DNAH14: variants seen among roughly 807,000 people sequenced by gnomAD.
DNAH14 encodes dynein axonemal heavy chain 14.
DNAH14 carries 478 observed loss-of-function variants against 520.9 expected under a neutral mutation model. That is an observed-to-expected ratio of 0.92 (90% CI 0.85 to 0.99). The LOEUF is 0.99. Ranked by LOEUF, DNAH14 falls within the 50% of genes least tolerant of loss-of-function variation. The pLI is 0.00. For synonymous variants in DNAH14, 1,581 were observed against 1,757.2 expected, an observed-to-expected ratio of 0.90 and a Z score of 2.51; for missense variants, 4,831 against 5,234.5, an observed-to-expected ratio of 0.92 and a Z score of 2.38.
At position 225,147,160 on chromosome 1, in the gene DNAH14, T is replaced by A; in HGVS notation, c.4851T>A (p.Asp1617Glu). 2.6e-6 allele frequency: 4 copies of A among 1,550,960 alleles called. No homozygotes were observed. Among genetic ancestry groups the A allele is most frequent in the Non-Finnish European group, 3.5e-6 (4 of 1,146,674 alleles). Residue 1617 changes from aspartate (D) to glutamate (E), a missense_variant, in exon 31 of 86, where the codon GAT becomes GAA. Physicochemically the swap from Asp to Glu is conservative, Grantham distance 45. Coordinates refer to ENST00000682510, the MANE Select transcript of DNAH14 (RefSeq NM_001367479.1). ...AGTCAGGAGCATGGAGTTGTTTTGA[T>A]GAATTCAATCTAATTGATTTGGAAG... ...LVQSGAWSCFDEFNLIDLEVL... is the reference protein window; with the variant it reads ...LVQSGAWSCFEEFNLIDLEVL...
At chr1:224,929,966 T>C in intron 1 of DNAH14, 131 bp downstream of exon 1, 1 of 488,808 alleles carries the variant, frequency 2.0e-6, no homozygotes, top group Non-Finnish European at 3.6e-6. Flanking sequence ...ACCCAGCTGC[T>C]GTGGGAGCGC....
chr1:225,349,187 G>C (rs2095329716), intron 71 of DNAH14, among the ~76,000 whole-genome samples: 1 of 152,202 alleles, frequency 6.6e-6, no homozygotes, highest in Non-Finnish European at 1.5e-5. Context: ...TGCCCAGGCT[G>C]GCAGTAGAAT....
At chr1:225,368,234 T>C (rs749297481) in intron 77 of DNAH14, among the ~76,000 whole-genome samples, 1 of 152,200 alleles carries the variant, frequency 6.6e-6, no homozygotes, top group Non-Finnish European at 1.5e-5. Context: ...CCACCACTTA[T>C]AGCTGTATAA....
At chr1:225,270,940 C>T in intron 50 of DNAH14, 74 bp downstream of exon 50, 1 of 1,392,460 alleles carries the variant, frequency 7.2e-7, no homozygotes, top group Non-Finnish European at 9.7e-7. Context: ...GAACTTAAAT[C>T]CACTAATATT....
intron 78 of DNAH14, among the ~76,000 whole-genome samples, chr1:225,375,300 G>A (rs1162222969): frequency 6.6e-6 from 1 of 152,124 alleles, no homozygotes; most frequent in African/African-American, 2.4e-5. Flanking sequence ...CTCTATCCAA[G>A]CCTTCACATT....
At chr1:225,047,532 C>T (rs569642157) in intron 15 of DNAH14, among the ~76,000 whole-genome samples, 1 of 152,060 alleles carries the variant, frequency 6.6e-6, no homozygotes, top group African/African-American at 2.4e-5. Flanking sequence ...CAGGGTATAC[C>T]ATATAGCCTA....
intron 1 of DNAH14, among the ~76,000 whole-genome samples, chr1:224,945,656 A>T (rs2059757840): frequency 1.3e-5 from 2 of 152,288 alleles, no homozygotes; most frequent in South Asian, 4.1e-4. Flanking sequence ...GGTGACGTAC[A>T]GATGGGGTTT....
chr1:225,087,738 A>G (rs1386927411), intron 21 of DNAH14, among the ~76,000 whole-genome samples: 1 of 152,200 alleles, frequency 6.6e-6, no homozygotes, highest in African/African-American at 2.4e-5. Context: ...ATAAACCACC[A>G]GGAAAGATAA....
intron 23 of DNAH14, among the ~76,000 whole-genome samples, chr1:225,101,869 A>G (rs376128601): frequency 6.6e-6 from 1 of 151,610 alleles, no homozygotes; most frequent in South Asian, 2.1e-4. Flanking sequence ...TTTTGGGTAT[A>G]TACCTAACAG....
chr1:225,343,421 G>C (rs763226482), intron 69 of DNAH14, among the ~76,000 whole-genome samples: 1 of 152,042 alleles, frequency 6.6e-6, no homozygotes, highest in Non-Finnish European at 1.5e-5. Flanking sequence ...AGTGGGGAGG[G>C]CATGCCTTTC....
At chr1:225,178,575 A>G (rs949117064) in intron 36 of DNAH14, among the ~76,000 whole-genome samples, 2 of 152,166 alleles carry the variant, frequency 1.3e-5, no homozygotes, top group African/African-American at 4.8e-5. Flanking sequence ...TGTTTATCCG[A>G]TGCCTGTACC....
At chr1:225,136,733 G>A (rs1301360295) in intron 27 of DNAH14, among the ~76,000 whole-genome samples, 1 of 152,184 alleles carries the variant, frequency 6.6e-6, no homozygotes, top group Non-Finnish European at 1.5e-5. Flanking sequence ...TGGATGATAT[G>A]CTGAAGTACG....
intron 1 of DNAH14, among the ~76,000 whole-genome samples, chr1:224,939,922 T>A (rs1014728338): frequency 4.6e-5 from 7 of 152,204 alleles, no homozygotes; most frequent in Non-Finnish European, 1.0e-4. Flanking sequence ...CACATATATG[T>A]TAAATGTTAT....
At chr1:225,149,693 G>A (rs1407593799) in intron 31 of DNAH14, among the ~76,000 whole-genome samples, 4 of 152,150 alleles carry the variant, frequency 2.6e-5, no homozygotes, top group Non-Finnish European at 5.9e-5. Flanking sequence ...GAATGGGATT[G>A]TGTTCCTGAT....
Position 225,399,095 on chromosome 1 carries a change from A to G in DNAH14, c.13680A>G (p.Ser4560=). The change falls in exon 86 of 86, where the codon TCA becomes TCG. Residue 4560 remains serine, a synonymous_variant. Transcript: ENST00000682510. ...KTPNASNQTD[S]ELYAFECPVY... is the part of the protein sequence containing the mutation. ...CAAATGCTTCCAACCAGACAGATTCAGAACTCTATGCTTTTGAATGCCCAG... is the reference window on the plus strand; with the variant it reads ...CAAATGCTTCCAACCAGACAGATTCGGAACTCTATGCTTTTGAATGCCCAG... 6.4e-7 allele frequency: 1 copy of G among 1,551,810 alleles called. No individual in the cohort carries two copies. The highest frequency in any genetic ancestry group is 8.7e-7 in the Non-Finnish European group (1 of 1,147,032).
At chr1:225,027,290 G>C (rs995145570) in intron 11 of DNAH14, among the ~76,000 whole-genome samples, 1 of 152,076 alleles carries the variant, frequency 6.6e-6, no homozygotes, top group African/African-American at 2.4e-5. Context: ...TCAATACAGT[G>C]TTGATTAGGA....
At chr1:225,295,605 T>A (rs1290650300) in intron 55 of DNAH14, among the ~76,000 whole-genome samples, 1 of 152,190 alleles carries the variant, frequency 6.6e-6, no homozygotes, top group Non-Finnish European at 1.5e-5. Context: ...TGTACTCAGA[T>A]AAGATACTTG....
chr1:225,162,672 GA>G (rs2081629948), intron 35 of DNAH14, among the ~76,000 whole-genome samples: 1 of 152,154 alleles, frequency 6.6e-6, no homozygotes, highest in Non-Finnish European at 1.5e-5. Flanking sequence ...CATGAACATG[GA>G]ATAGCTTTCC....
chr1:225,240,456 T>C, intron 42 of DNAH14, 137 bp from the exon 43 acceptor site: 1 of 527,832 alleles, frequency 1.9e-6, no homozygotes, highest in Non-Finnish European at 3.3e-6. Context: ...ACATAAACTC[T>C]GAAACTTTTA....
Sources: gnomAD v4.1 joint callset for allele counts (sites outside exome capture counted in the v4.1 genomes callset) on GRCh38, gnomAD v4.1.1 for gene constraint, MANE v1.5 for transcripts, NCBI Gene and HGNC (gene_info 2026-07-23, HGNC 2026-07-21) for gene names.